The following DNAJC6 variants were observed in gnomAD, a reference collection of about 807,000 sequenced individuals.
DNAJC6 encodes the protein DnaJ heat shock protein family (Hsp40) member C6, also known as auxilin.
Under a neutral mutation model 110.0 loss-of-function variants are expected in DNAJC6, and 34 were observed. That is an observed-to-expected ratio of 0.31 (90% CI 0.24 to 0.41). The LOEUF is 0.41. Among genes scored for constraint, DNAJC6 ranks in the 10% least tolerant of loss-of-function variants. The pLI is 1.00. For synonymous variants in DNAJC6, 406 were observed against 437.2 expected (o/e 0.93, Z 0.89); for missense variants, 1,031 against 1,207.8 (o/e 0.85, Z 2.17).
At chr1:65,309,999 C>A (rs1010778543) in intron 1 of DNAJC6, 61 bp downstream of exon 1, 139 of 1,375,882 alleles carry the variant, frequency 1.0e-4, no homozygotes, top group Middle Eastern at 2.7e-4. Flanking sequence ...GCCTCCCAGT[C>A]GCCCGGCCCG....
At chr1:65,276,093 G>C (rs990530102) in intron 1 of DNAJC6, among the ~76,000 whole-genome samples, 3 of 152,016 alleles carry the variant, frequency 2.0e-5, no homozygotes, top group African/African-American at 7.3e-5. Context: ...TGTTGGCCAG[G>C]CTGGTCTTGA....
chr1:65,311,887 G>A (rs1405962696), intron 1 of DNAJC6, among the ~76,000 whole-genome samples: 2 of 152,236 alleles, frequency 1.3e-5, no homozygotes, highest in African/African-American at 4.8e-5. Context: ...GCCCAGCTAT[G>A]TGCCAAGCAC....
Position 65,387,033 on chromosome 1 carries a change from T to C in DNAJC6, c.1113+104T>C, listed in dbSNP as rs931820529. The stretch of plus-strand genomic sequence containing the variant: ...ACTTTGGGCTTGAGTCACTTGTAGT[T>C]TTAGAATGAAAAAGAGCGTTTAAAG... On this transcript the variant is annotated intron_variant, in intron 8 of 18. Transcript: ENST00000371069. The C allele has an allele frequency of 9.3e-6, 9 of 968,140 alleles. No homozygotes were observed. The Admixed American group carries it at 1.7e-4, about 19-fold the overall frequency. 60.0% of individuals were successfully genotyped at this position (968,140 alleles called of 1,614,324 possible).
chr1:65,412,854 C>A, intron 18 of DNAJC6, 70 bp from the exon 19 acceptor site: 1 of 1,240,210 alleles, frequency 8.1e-7, no homozygotes, highest in Non-Finnish European at 1.2e-6. Flanking sequence ...CATATATTGG[C>A]AGTGAAAAAT....
At chr1:65,286,696 AATCTTAAGT>A (rs1288772741) in intron 1 of DNAJC6, among the ~76,000 whole-genome samples, 1 of 152,184 alleles carries the variant, frequency 6.6e-6, no homozygotes, top group Non-Finnish European at 1.5e-5. Flanking sequence ...GTAAATTTAA[AATCTTAAGT>A]ATACGAAACA....
chr1:65,286,521 A>G (rs1165684183), intron 1 of DNAJC6, among the ~76,000 whole-genome samples: 3 of 152,156 alleles, frequency 2.0e-5, no homozygotes, highest in East Asian at 1.9e-4. Flanking sequence ...TGTTGGAACT[A>G]CAGGTATGAG....
At chr1:65,302,392 GGTAC>G (rs1314473621) in intron 1 of DNAJC6, among the ~76,000 whole-genome samples, 6 of 148,204 alleles carry the variant, frequency 4.0e-5, no homozygotes, top group African/African-American at 1.5e-4. Flanking sequence ...AGTAATAGGT[GGTAC>G]CATTAACAGG....
chr1:65,405,352 T>G lies in DNAJC6; in HGVS notation c.2228-518T>G, dbSNP rs563494168. Among the ~76,000 whole-genome samples the G allele has an allele frequency of 5.3e-5, 8 of 152,378 alleles. No individual in the cohort carries two copies. In the South Asian group the frequency reaches 1.7e-3, roughly 32 times the overall value. On this transcript the variant is annotated intron_variant, in intron 15 of 18. Transcript: ENST00000371069. Reference sequence around the variant, plus strand: ...AACATCTTTATTTACTCTTGGGCACTAACCATGCTTTATAACAAAAAATGA... The same window carrying G: ...AACATCTTTATTTACTCTTGGGCACGAACCATGCTTTATAACAAAAAATGA...
chr1:65,408,788 G>C lies in DNAJC6; in HGVS notation c.2634+5G>C. 1.2e-6 allele frequency: 2 copies of C among 1,612,176 alleles called. No homozygotes were observed. The highest frequency in any genetic ancestry group is 1.7e-6 in the Non-Finnish European group (2 of 1,179,484). ...ATGGATCCTGAGAAATTAAAGGTGA[G>C]TGAGGCCCCTGACGCAGCTTGATTA... On this transcript the variant is annotated splice_donor_5th_base_variant and intron_variant, in intron 17 of 18. Transcript: ENST00000371069.
intron 1 of DNAJC6, among the ~76,000 whole-genome samples, chr1:65,361,740 A>G (rs893108924): frequency 2.5e-4 from 38 of 152,342 alleles, no homozygotes; most frequent in Admixed American, 2.2e-3. Flanking sequence ...GTTTGTCAAT[A>G]TCTAGATATA....
chr1:65,307,749 TTAGTC>T (rs1645058336), upstream of DNAJC6, among the ~76,000 whole-genome samples: 4 of 152,218 alleles, frequency 2.6e-5, no homozygotes, highest in African/African-American at 9.6e-5. Context: ...AATTATTACT[TTAGTC>T]AAGTAACTAA....
At chr1:65,364,005 A>G (rs1230415461) in intron 1 of DNAJC6, among the ~76,000 whole-genome samples, 1 of 152,110 alleles carries the variant, frequency 6.6e-6, no homozygotes, top group Non-Finnish European at 1.5e-5. Flanking sequence ...TGGGGCTTCT[A>G]GTATAGTCAG....
At chr1:65,302,265 A>G (rs1362809206) in intron 1 of DNAJC6, among the ~76,000 whole-genome samples, 2 of 19,564 alleles carry the variant, frequency 1.0e-4, no homozygotes, top group Non-Finnish European at 1.7e-4. Flanking sequence ...TATTATATAT[A>G]TTATATATTA....
At chr1:65,351,158 T>C (rs1286040682) in intron 1 of DNAJC6, among the ~76,000 whole-genome samples, 2 of 152,198 alleles carry the variant, frequency 1.3e-5, no homozygotes, top group Non-Finnish European at 2.9e-5. Context: ...CTCTAGATCA[T>C]TTTATGGTAA....
At chr1:65,380,212 A>G (rs936937266) in intron 5 of DNAJC6, among the ~76,000 whole-genome samples, 2 of 152,244 alleles carry the variant, frequency 1.3e-5, no homozygotes, top group Non-Finnish European at 2.9e-5. Flanking sequence ...TCTTGCAGGA[A>G]AGAACCATGC....
In DNAJC6 at chr1:65,413,848, T is replaced by G. The variant is rs973701639; in HGVS notation, c.*823T>G. The G allele has an allele frequency of 1.3e-5, 2 of 152,224 alleles. No individual in the cohort carries two copies. The highest frequency in any genetic ancestry group is 4.8e-5 in the African/African-American group (2 of 41,454). The allele number at this position is 152,224 out of a possible 1,614,324, so 9.4% of individuals were successfully genotyped here. A position where few individuals can be genotyped will look rare whatever the true frequency, so the allele number is the denominator to read the frequency against. On this transcript the variant is annotated 3_prime_UTR_variant, in exon 19 of 19. Coordinates refer to ENST00000371069, the MANE Select transcript of DNAJC6 (RefSeq NM_001256864.2). ...GTTTAAATGAAACATCTAATTTTGCTGTAAGGCTTAATGCTCTTCTTTTGT... is the reference window on the plus strand; with the variant it reads ...GTTTAAATGAAACATCTAATTTTGCGGTAAGGCTTAATGCTCTTCTTTTGT...
At chr1:65,388,648 G>C (rs1364830665) in intron 9 of DNAJC6, among the ~76,000 whole-genome samples, 1 of 152,212 alleles carries the variant, frequency 6.6e-6, no homozygotes, top group Non-Finnish European at 1.5e-5. Context: ...AATTCTATGT[G>C]AGGGAATAAG....
rs1570390290 is a variant in DNAJC6 at position 65,410,279 on chromosome 1, G to A, written c.2635-971G>A. Among the ~76,000 whole-genome samples, 3 of 152,192 alleles carry A rather than the reference G, an allele frequency of 2.0e-5. No homozygotes were observed. The South Asian group carries it at 6.2e-4, about 32-fold the overall frequency. On this transcript the variant is annotated intron_variant, in intron 17 of 18. Transcript: ENST00000371069. ...ATAATTTCCTGACAGATTTGTTGCA[G>A]ATGTATATAATATACATCTAATATA...
At chr1:65,334,677 T>C (rs1195127423) in intron 1 of DNAJC6, among the ~76,000 whole-genome samples, 1 of 152,138 alleles carries the variant, frequency 6.6e-6, no homozygotes, top group Non-Finnish European at 1.5e-5. Flanking sequence ...GAGATGGAAA[T>C]GGCCTGAACT....
Sources: allele counts gnomAD v4.1 joint callset (sites outside exome capture counted in the v4.1 genomes callset), GRCh38; gene constraint gnomAD v4.1.1; transcripts MANE v1.5; gene names NCBI Gene and HGNC (gene_info 2026-07-23, HGNC 2026-07-21).